Variants in OLA1 observed in about 807,000 individuals in gnomAD.
OLA1 encodes obg-like ATPase 1.
OLA1 carries 14 observed loss-of-function variants against 48.4 expected under a neutral mutation model. That is an observed-to-expected ratio of 0.29 (90% CI 0.19 to 0.45). OLA1 has a LOEUF of 0.45. OLA1 is among the 20% of genes least tolerant of loss of function. OLA1 has a pLI of 1.00. For missense variants in OLA1, 325 were observed against 467.1 expected (o/e 0.70, Z 2.80); for synonymous variants, 127 against 150.4 (o/e 0.84, Z 1.14).
chr2:174,116,905 A>C (rs530048372), intron 7 of OLA1, among the ~76,000 whole-genome samples: 1 of 152,310 alleles, frequency 6.6e-6, no homozygotes, highest in African/African-American at 2.4e-5. Flanking sequence ...AAGAATAAAC[A>C]ATTTTCTTTA....
At chr2:174,095,190 T>C (rs910162599) in intron 7 of OLA1, among the ~76,000 whole-genome samples, 1 of 152,166 alleles carries the variant, frequency 6.6e-6, no homozygotes, top group African/African-American at 2.4e-5. Flanking sequence ...CTGGATCACA[T>C]AGTAATTCTA....
chr2:174,166,267 T>G (rs1232127905), intron 4 of OLA1, among the ~76,000 whole-genome samples: 1 of 152,152 alleles, frequency 6.6e-6, no homozygotes, highest in Non-Finnish European at 1.5e-5. Flanking sequence ...AGCCAAAGTA[T>G]TTACAAGTGG....
At chr2:174,174,946 T>G (rs904990114) in intron 4 of OLA1, among the ~76,000 whole-genome samples, 2 of 152,046 alleles carry the variant, frequency 1.3e-5, no homozygotes, top group African/African-American at 4.8e-5. Flanking sequence ...ATAGAGTGTG[T>G]AAACTGACCT....
chr2:174,237,117 C>A (rs1003347115), intron 2 of OLA1, among the ~76,000 whole-genome samples: 13 of 152,070 alleles, frequency 8.5e-5, no homozygotes, highest in Admixed American at 2.0e-4. Flanking sequence ...CACTGTATAG[C>A]TGTACAAAAA....
intron 4 of OLA1, among the ~76,000 whole-genome samples, chr2:174,157,682 T>C (rs959885637): frequency 1.3e-5 from 2 of 152,156 alleles, no homozygotes; most frequent in African/African-American, 4.8e-5. Context: ...ATAATGTCAA[T>C]GGATTTTGAC....
At chr2:174,167,752 A>G (rs756277166) in intron 4 of OLA1, among the ~76,000 whole-genome samples, 9 of 152,122 alleles carry the variant, frequency 5.9e-5, no homozygotes, top group Non-Finnish European at 1.2e-4. Flanking sequence ...AATCACAAAT[A>G]TTTTTTCCTT....
At position 174,081,152 on chromosome 2, in the gene OLA1, C is replaced by T. The variant is rs545082342; in HGVS notation, c.966G>A (p.Arg322=). 3 of 1,609,834 alleles carry T rather than the reference C, an allele frequency of 1.9e-6. No homozygotes were observed. The highest frequency in any genetic ancestry group is 2.5e-6 in the Non-Finnish European group (3 of 1,176,656). ...GCTGATGAATAAGTATGAATCTTAC[C>T]CTGATGGTCCATGCACGCACTTCAT... ...GPDEVRAWTI[R]KGTKAPQAAG... Residue 322 remains arginine, a splice_region_variant and synonymous_variant, in exon 9 of 11, where the codon AGG becomes AGA. Coordinates refer to ENST00000284719, the MANE Select transcript of OLA1 (RefSeq NM_013341.5).
At chr2:174,133,257 C>T (rs528532021) in intron 5 of OLA1, among the ~76,000 whole-genome samples, 1 of 152,286 alleles carries the variant, frequency 6.6e-6, no homozygotes, top group South Asian at 2.1e-4. Flanking sequence ...GACATAACCG[C>T]ATTGTACGTC....
chr2:174,155,708 C>T (rs1382335000), intron 4 of OLA1, among the ~76,000 whole-genome samples: 2 of 152,022 alleles, frequency 1.3e-5, no homozygotes, highest in East Asian at 1.9e-4. Flanking sequence ...TACCTACATA[C>T]TATAACTAAG....
chr2:174,093,806 T>C (rs1035037590), intron 7 of OLA1, among the ~76,000 whole-genome samples: 2 of 152,252 alleles, frequency 1.3e-5, no homozygotes, highest in Admixed American at 6.5e-5. Flanking sequence ...GATAAACTTA[T>C]ATCTGGCCAT....
chr2:174,116,280 A>G (rs1289724013), intron 7 of OLA1, among the ~76,000 whole-genome samples: 5 of 152,246 alleles, frequency 3.3e-5, no homozygotes, highest in African/African-American at 1.2e-4. Flanking sequence ...AGATACAAAA[A>G]TATTTCTCAA....
At chr2:174,224,808 G>A (rs570019365) in intron 3 of OLA1, among the ~76,000 whole-genome samples, 1 of 152,226 alleles carries the variant, frequency 6.6e-6, no homozygotes, top group South Asian at 2.1e-4. Context: ...AGTTGATAAA[G>A]TAAATTGAAG....
rs180995238 is a variant in OLA1 at position 174,132,561 on chromosome 2, T to G, written c.550-8886A>C. Among the ~76,000 whole-genome samples, 292 of 152,290 alleles carry G rather than the reference T, an allele frequency of 1.9e-3. 1 individual carries two copies. The highest frequency in any genetic ancestry group is 6.7e-3 in the African/African-American group (278 of 41,578). Reference sequence around the variant, plus strand: ...ATATTGCATGTTTATTATCATAAACTATTTTCTTTCCATAGTGATTTCTTC... The same window carrying G: ...ATATTGCATGTTTATTATCATAAACGATTTTCTTTCCATAGTGATTTCTTC... On this transcript the variant is annotated intron_variant, in intron 5 of 10. Coordinates refer to ENST00000284719, the MANE Select transcript of OLA1 (RefSeq NM_013341.5).
intron 4 of OLA1, among the ~76,000 whole-genome samples, chr2:174,188,313 C>A (rs111732316): frequency 6.6e-6 from 1 of 152,004 alleles, no homozygotes; most frequent in Non-Finnish European, 1.5e-5. Flanking sequence ...TGTCTCCTCA[C>A]GCCTACAAAA....
At chr2:174,112,859 C>G (rs1042240283) in intron 7 of OLA1, among the ~76,000 whole-genome samples, 1 of 152,180 alleles carries the variant, frequency 6.6e-6, no homozygotes. Flanking sequence ...GTTACAGCAG[C>G]AGAAAACAAA....
At chr2:174,144,535 G>A (rs1023888131) in intron 4 of OLA1, among the ~76,000 whole-genome samples, 13 of 152,108 alleles carry the variant, frequency 8.5e-5, no homozygotes, top group Admixed American at 8.5e-4. Flanking sequence ...ATTTCTTAGA[G>A]CTGAAAAATT....
At chr2:174,224,104 C>G (rs16862496) in intron 3 of OLA1, among the ~76,000 whole-genome samples, 1,909 of 152,272 alleles carry the variant, frequency 0.013, 40 homozygotes, top group African/African-American at 0.043. Flanking sequence ...CATAAAAGTT[C>G]CACAAAAGAC....
intron 4 of OLA1, among the ~76,000 whole-genome samples, chr2:174,152,355 A>C (rs1363217033): frequency 6.6e-6 from 1 of 152,112 alleles, no homozygotes; most frequent in Non-Finnish European, 1.5e-5. Context: ...GTGGGTGGAG[A>C]TTGGGCCACT....
chr2:174,241,665 G>C (rs951899153), intron 2 of OLA1, among the ~76,000 whole-genome samples: 1 of 152,126 alleles, frequency 6.6e-6, no homozygotes, highest in African/African-American at 2.4e-5. Flanking sequence ...AGACAGAGTC[G>C]CACTCTGTGG....
Sources: allele counts gnomAD v4.1 joint callset (sites outside exome capture counted in the v4.1 genomes callset), GRCh38; gene constraint gnomAD v4.1.1; transcripts MANE v1.5; gene names NCBI Gene and HGNC (gene_info 2026-07-23, HGNC 2026-07-21).